PHF3: variants seen among roughly 807,000 people sequenced by gnomAD.
PHF3 encodes the protein PHD finger protein 3.
Under a neutral mutation model 178.4 loss-of-function variants are expected in PHF3, and 41 were observed. The ratio of observed to expected loss-of-function variants is 0.23; its 90% CI spans 0.18 to 0.30. The LOEUF is 0.30. PHF3 is among the 10% of genes least tolerant of loss of function. The pLI, the probability that PHF3 is intolerant of heterozygous loss-of-function variation, is 1.00. For synonymous variants in PHF3, 842 were observed against 800.5 expected (o/e 1.05, Z -0.88); for missense variants, 2,346 against 2,398.1 (o/e 0.98, Z 0.45).
chr6:63,661,027 G>C (rs1451042387), intron 2 of PHF3, among the ~76,000 whole-genome samples: 3 of 152,100 alleles, frequency 2.0e-5, no homozygotes, highest in Non-Finnish European at 4.4e-5. Flanking sequence ...CAGTACCCTT[G>C]TGTCTTCTGT....
Position 63,721,304 on chromosome 6 carries a change from TG to T in PHF3, c.*7597del, listed in dbSNP as rs1768377655. On this transcript the variant is annotated 3_prime_UTR_variant, in exon 16 of 16. Coordinates refer to ENST00000262043, the MANE Select transcript of PHF3 (RefSeq NM_001370348.2). ...TCAAACAGGACACAGACTGGTTACATGTATTTCCAGCCCAATCTGGCAAACA... is the reference window on the plus strand; with the variant it reads ...TCAAACAGGACACAGACTGGTTACATTATTTCCAGCCCAATCTGGCAAACA... The T allele has an allele frequency of 1.3e-6, 2 of 1,551,874 alleles. No homozygotes were observed. The highest frequency in any genetic ancestry group is 1.7e-6 in the Non-Finnish European group (2 of 1,147,016).
intron 1 of PHF3, among the ~76,000 whole-genome samples, chr6:63,639,233 A>G (rs1764474715): frequency 6.6e-6 from 1 of 152,200 alleles, no homozygotes. Flanking sequence ...ACCTGTTGGC[A>G]TAATCTAACT....
At chr6:63,654,244 GC>G (rs765156810) in intron 2 of PHF3, among the ~76,000 whole-genome samples, 5 of 152,090 alleles carry the variant, frequency 3.3e-5, no homozygotes, top group Non-Finnish European at 7.4e-5. Flanking sequence ...TGGGTCCTGG[GC>G]TTTTCTTTGA....
chr6:63,655,171 C>G (rs1033598039), intron 2 of PHF3, among the ~76,000 whole-genome samples: 1 of 152,152 alleles, frequency 6.6e-6, no homozygotes, highest in African/African-American at 2.4e-5. Flanking sequence ...TCAAGCAATT[C>G]TCCTGCCTCA....
At position 63,662,264 on chromosome 6, in the gene PHF3, T is replaced by C. The variant is rs564244532; in HGVS notation, c.244+15469T>C. ...CAGGGCCAAAATTTTCCTCAAAAAG[T>C]TATTTTGGGGTCCTCTTTAATGCCT... On this transcript the variant is annotated intron_variant, in intron 2 of 15. Coordinates refer to ENST00000262043, the MANE Select transcript of PHF3 (RefSeq NM_001370348.2). 1.1e-4 allele frequency among the ~76,000 whole-genome samples: 17 copies of C among 152,216 alleles called. No homozygotes were observed. In the East Asian group the frequency reaches 1.5e-3, roughly 14 times the overall value.
rs558262140 is a variant in PHF3, at chr6:63,657,880, G to A, written c.244+11085G>A. Among the ~76,000 whole-genome samples the A allele has an allele frequency of 3.3e-5, 5 of 152,302 alleles. No individual in the cohort carries two copies. The East Asian group carries it at 9.6e-4, about 29-fold the overall frequency. ...ATATTTACAGTGAATAGGAAATCTA[G>A]TCAAGTTTTGCTGTGGGATAAGTAG... is the stretch of plus-strand genomic sequence containing the variant. On this transcript the variant is annotated intron_variant, in intron 2 of 15. Transcript: ENST00000262043.
rs1485383755 is a variant in PHF3 at position 63,718,585 on chromosome 6, C to G, written c.*4877C>G. Among the ~76,000 whole-genome samples, 1 of 151,944 alleles carries G rather than the reference C, an allele frequency of 6.6e-6. No individual in the cohort carries two copies. The highest frequency in any genetic ancestry group is 1.5e-5 in the Non-Finnish European group (1 of 67,928). On this transcript the variant is annotated 3_prime_UTR_variant, in exon 16 of 16. Transcript: ENST00000262043. ...TTAGGGCTGGATTCTCTTACCTGCCCTGCATTCAGTGTTTTGTAGTATGTC... is the reference window on the plus strand; with the variant it reads ...TTAGGGCTGGATTCTCTTACCTGCCGTGCATTCAGTGTTTTGTAGTATGTC...
intron 2 of PHF3, among the ~76,000 whole-genome samples, chr6:63,662,055 C>T (rs369985483): frequency 2.0e-4 from 31 of 152,194 alleles, no homozygotes; most frequent in African/African-American, 6.5e-4. Context: ...CATAGGAGCG[C>T]GAACCCTATT....
intron 9 of PHF3, 125 bp downstream of exon 9, chr6:63,700,591 TC>T (rs1767430888): frequency 1.8e-6 from 1 of 556,978 alleles, no homozygotes; most frequent in Non-Finnish European, 3.3e-6. Context: ...GTTACATGCT[TC>T]TTTTTTTTTT....
At chr6:63,698,149 T>C (rs967782375) in intron 6 of PHF3, 74 bp from the exon 7 acceptor site, 13 of 1,231,680 alleles carry the variant, frequency 1.1e-5, no homozygotes, top group South Asian at 2.9e-5. Context: ...CAGTTTTGTT[T>C]GTAAACTTAT....
At position 63,706,126 on chromosome 6, in the gene PHF3, A is replaced by G; in HGVS notation, c.3465A>G (p.Ile1155Met). ...RKHSDNEAES[I>M]ADALSSTSNI... ...ATTCAGACAATGAAGCAGAAAGTAT[A>G]GCAGATGCATTATCTTCAACCTCAA... The change falls in exon 12 of 16, where the codon ATA becomes ATG. Residue 1155 changes from isoleucine to methionine, a missense_variant. Around this residue, in one of 8 missense-constraint regions of PHF3, gnomAD observed 205 missense variants for 212.4 expected, o/e 0.97. Coordinates refer to ENST00000262043, the MANE Select transcript of PHF3 (RefSeq NM_001370348.2). 1 of 1,613,972 alleles carries G rather than the reference A, an allele frequency of 6.2e-7. No homozygotes were observed. The highest frequency in any genetic ancestry group is 8.5e-7 in the Non-Finnish European group (1 of 1,179,876).
At chr6:63,701,501 A>G (rs138402465) in intron 9 of PHF3, among the ~76,000 whole-genome samples, 2 of 152,330 alleles carry the variant, frequency 1.3e-5, no homozygotes, top group Admixed American at 6.5e-5. Flanking sequence ...TTGTATTACA[A>G]TGGCATCAGA....
chr6:63,683,253 G>GTAA (rs1483255095), intron 3 of PHF3, among the ~76,000 whole-genome samples: 1 of 151,646 alleles, frequency 6.6e-6, no homozygotes, highest in African/African-American at 2.4e-5. Context: ...CCTTTTTAAA[G>GTAA]ATTCTCACAG....
At position 63,711,628 on chromosome 6, in the gene PHF3, T is replaced by C; in HGVS notation, c.4040T>C (p.Ile1347Thr). ...HRPNLLLGLI[I>T]RQKLKRQHSA... Reference sequence around the variant, plus strand: ...CCTAATCTATTGTTGGGCTTAATTATTCGTCAGAAACTGAAGCGACAGCAC... The same window carrying C: ...CCTAATCTATTGTTGGGCTTAATTACTCGTCAGAAACTGAAGCGACAGCAC... The change falls in exon 16 of 16, where the codon ATT becomes ACT. Residue 1347 changes from isoleucine (I) to threonine (T), a missense_variant. Physicochemically the swap from Ile to Thr is moderately conservative, Grantham distance 89. This residue lies in a region of PHF3 where 90 missense variants were observed against 136.6 expected (regional missense o/e 0.66). Transcript: ENST00000262043. 5 of 1,598,326 alleles carry C rather than the reference T, an allele frequency of 3.1e-6. No homozygotes were observed. The highest frequency in any genetic ancestry group is 4.3e-6 in the Non-Finnish European group (5 of 1,176,106).
At chr6:63,709,116 A>G in intron 13 of PHF3, 35 bp from the exon 14 acceptor site, 1 of 1,104,130 alleles carries the variant, frequency 9.1e-7, no homozygotes, top group East Asian at 2.4e-5. Flanking sequence ...GATAATCTAT[A>G]TATATTGATC....
rs542669048 is a variant in PHF3 at position 63,719,707 on chromosome 6, A to G, written c.*5999A>G. Among the ~76,000 whole-genome samples the G allele has an allele frequency of 1.3e-5, 2 of 152,186 alleles. No individual in the cohort carries two copies. Among genetic ancestry groups the G allele is most frequent in the South Asian group, 2.1e-4 (1 of 4,824 alleles). ...TTGTTTAGAACCTATTTTATGCCCA[A>G]TTTTGAGATCTGTATAGACTTGAAA... On this transcript the variant is annotated 3_prime_UTR_variant, in exon 16 of 16. Transcript: ENST00000262043.
intron 4 of PHF3, 180 bp downstream of exon 4, chr6:63,686,091 A>G: frequency 1.8e-6 from 1 of 568,362 alleles, no homozygotes; most frequent in Non-Finnish European, 3.1e-6. Context: ...GAATTTACAA[A>G]TATATCATCC....
chr6:63,668,589 A>G (rs1438051001), intron 2 of PHF3, among the ~76,000 whole-genome samples: 2 of 152,114 alleles, frequency 1.3e-5, no homozygotes, highest in African/African-American at 4.8e-5. Context: ...TGATTGTCCC[A>G]CATCGGCTTC....
chr6:63,662,301 G>C (rs1765503932), intron 2 of PHF3, among the ~76,000 whole-genome samples: 1 of 152,126 alleles, frequency 6.6e-6, no homozygotes, highest in Non-Finnish European at 1.5e-5. Flanking sequence ...AAATAGACAG[G>C]AGAAGCTCCA....
Sources: allele counts gnomAD v4.1 joint callset (sites outside exome capture counted in the v4.1 genomes callset), GRCh38; gene constraint gnomAD v4.1.1; regional missense constraint gnomAD v4.1.1; transcripts MANE v1.5; gene names NCBI Gene and HGNC (gene_info 2026-07-23, HGNC 2026-07-21).